MED23: variants seen among roughly 807,000 people sequenced by gnomAD.
MED23 encodes mediator complex subunit 23.
Under a neutral mutation model 163.9 loss-of-function variants are expected in MED23, and 105 were observed. The ratio of observed to expected loss-of-function variants is 0.64; its 90% CI spans 0.55 to 0.75. MED23 has a LOEUF of 0.75. Among genes scored for constraint, MED23 ranks in the 30% least tolerant of loss-of-function variants. The pLI, the probability that MED23 is intolerant of heterozygous loss-of-function variation, is 0.00. For missense variants in MED23, 1,054 were observed against 1,649.0 expected, an observed-to-expected ratio of 0.64 and a Z score of 6.25; for synonymous variants, 561 against 565.6, an observed-to-expected ratio of 0.99 and a Z score of 0.12.
At chr6:131,627,517 G>A (rs780900237) in intron 2 of MED23, 34 bp from the exon 3 acceptor site, 4 of 1,598,326 alleles carry the variant, frequency 2.5e-6, no homozygotes, top group South Asian at 2.2e-5. Flanking sequence ...TTTGTCATTC[G>A]TTTTAAAAAG....
intron 23 of MED23, 44 bp from the exon 24 acceptor site, chr6:131,593,215 T>C: frequency 1.2e-6 from 2 of 1,611,748 alleles, no homozygotes; most frequent in East Asian, 2.2e-5. Context: ...TCTCATCTGA[T>C]TGTCAATTTA....
At chr6:131,605,175 T>C in intron 14 of MED23, 65 bp downstream of exon 14, 1 of 1,543,486 alleles carries the variant, frequency 6.5e-7, no homozygotes, top group Non-Finnish European at 8.9e-7. Flanking sequence ...AATCATGAAA[T>C]AAAGGTTTAT....
Position 131,602,356 on chromosome 6 carries a change from T to G in MED23, c.1957A>C (p.Ile653Leu), listed in dbSNP as rs148273952. Residue 653 changes from isoleucine (I) to leucine (L), a missense_variant, in exon 17 of 29, where the codon ATA becomes CTA. By Grantham distance (5) the Ile-to-Leu change is conservative. Transcript: ENST00000368068. ...LCVESTALRL[I>L]TALGSSEVQP... ...ACCTCTGAGCTACCTAATGCTGTTA[T>G]AAGCCTGAGAGCAGTGCTCTCGACA... 2.5e-6 allele frequency: 4 copies of G among 1,613,700 alleles called. No homozygotes were observed. The African/African-American group carries it at 5.3e-5, about 22-fold the overall frequency.
chr6:131,582,977 C>A, downstream of MED23: 1 of 958,926 alleles, frequency 1.0e-6, no homozygotes, highest in Non-Finnish European at 1.6e-6. Flanking sequence ...ATATATTTTA[C>A]TATATTTATA....
At chr6:131,591,655 G>C in intron 25 of MED23, 128 bp from the exon 26 acceptor site, 1 of 756,568 alleles carries the variant, frequency 1.3e-6, no homozygotes, top group Non-Finnish European at 2.2e-6. Context: ...AATACAGCTG[G>C]GTGGCTTTGT....
chr6:131,609,969 C>T (rs1158149862), intron 11 of MED23, 77 bp downstream of exon 11: 25 of 1,363,492 alleles, frequency 1.8e-5, no homozygotes, highest in Non-Finnish European at 2.4e-5. Context: ...TCTAAAATCA[C>T]TAGGGAATGC....
At chr6:131,609,585 T>C (rs1776117958) in intron 11 of MED23, among the ~76,000 whole-genome samples, 2 of 145,182 alleles carry the variant, frequency 1.4e-5, no homozygotes, top group Admixed American at 1.4e-4. Context: ...TGATTTTGGC[T>C]CACTGCAACC....
chr6:131,596,057 C>CAGTACTGG lies in MED23; in HGVS notation c.2884_2885insCCAGTACT (p.Arg962ProfsTer11), dbSNP rs1363747784. ...TACTATATCAAATACTGGAAGGAATCGAAGACACACATTCCCAAAATAGAT... is the reference window on the plus strand; with the variant it reads ...TACTATATCAAATACTGGAAGGAATCAGTACTGGGAAGACACACATTCCCAAAATAGAT... On this transcript the variant is annotated frameshift_variant, in exon 22 of 29. Transcript: ENST00000368068. LOFTEE classifies it high-confidence loss of function. 3 of 1,613,724 alleles carry CAGTACTGG rather than the reference C, an allele frequency of 1.9e-6. No homozygotes were observed. In the African/African-American group the frequency reaches 4.0e-5, roughly 22 times the overall value.
chr6:131,583,643 T>C, downstream of MED23: 1 of 1,522,568 alleles, frequency 6.6e-7, no homozygotes, highest in Non-Finnish European at 9.0e-7. Context: ...CATCGGTTAC[T>C]ACCTTTTTCT....
intron 6 of MED23, among the ~76,000 whole-genome samples, chr6:131,621,405 T>C (rs935058694): frequency 6.6e-6 from 1 of 152,020 alleles, no homozygotes; most frequent in Non-Finnish European, 1.5e-5. Flanking sequence ...AGAGATATTA[T>C]TTAATGGATT....
chr6:131,605,201 A>G (rs1039747741), intron 14 of MED23, 39 bp downstream of exon 14: 2 of 1,604,144 alleles, frequency 1.2e-6, no homozygotes, highest in Admixed American at 3.3e-5. Flanking sequence ...ACTCGTATCA[A>G]TTCCCTGACA....
chr6:131,594,431 CAGA>C (rs1292260012), intron 22 of MED23, 96 bp from the exon 23 acceptor site: 1 of 950,870 alleles, frequency 1.1e-6, no homozygotes, highest in East Asian at 2.4e-5. Flanking sequence ...AAAAACAGCT[CAGA>C]AGATTTATGA....
Position 131,610,263 on chromosome 6 carries a change from A to G in MED23, c.877-17T>C, listed in dbSNP as rs763196392. On this transcript the variant is annotated splice_polypyrimidine_tract_variant and intron_variant, in intron 10 of 28. Coordinates refer to ENST00000368068, the MANE Select transcript of MED23 (RefSeq NM_004830.4). ...CTGCTTGTGCTGTAGGGCAGAGATT[A>G]AATACAGTATTCCAAAAGCCTCTCG... 21 of 1,612,444 alleles carry G rather than the reference A, an allele frequency of 1.3e-5. No individual in the cohort carries two copies. The highest frequency in any genetic ancestry group is 1.8e-5 in the Non-Finnish European group (21 of 1,178,966).
intron 15 of MED23, among the ~76,000 whole-genome samples, chr6:131,603,970 C>A (rs1404475029): frequency 6.6e-6 from 1 of 152,166 alleles, no homozygotes; most frequent in Non-Finnish European, 1.5e-5. Context: ...AACCCCCCAA[C>A]CCTCACACTT....
Position 131,592,768 on chromosome 6 carries a change from A to G in MED23, c.3398+238T>C, listed in dbSNP as rs1433392765. On this transcript the variant is annotated intron_variant, in intron 24 of 28. Coordinates refer to ENST00000368068, the MANE Select transcript of MED23 (RefSeq NM_004830.4). ...AGTGACAAGTTAACATTATTCCTAT[A>G]TTAAATGTCAAACTGCTATTAATGA... 4 of 605,590 alleles carry G rather than the reference A, an allele frequency of 6.6e-6. No individual in the cohort carries two copies. The East Asian group carries it at 1.1e-4, about 17-fold the overall frequency. 37.5% of individuals were successfully genotyped at this position (605,590 alleles called of 1,614,324 possible).
intron 30 of MED23, among the ~76,000 whole-genome samples, chr6:131,574,854 C>G (rs1166506473): frequency 6.6e-6 from 1 of 152,094 alleles, no homozygotes; most frequent in Admixed American, 6.6e-5. Flanking sequence ...TAAAAAAAAG[C>G]CCAGAGAGGT....
intron 3 of MED23, chr6:131,627,193 A>G (rs924953259): frequency 1.7e-6 from 1 of 595,874 alleles, no homozygotes; most frequent in Non-Finnish European, 2.9e-6. Flanking sequence ...TGCAGTATCA[A>G]CTTGACTTCT....
downstream of MED23, chr6:131,582,599 A>G: frequency 6.3e-7 from 1 of 1,586,768 alleles, no homozygotes; most frequent in Non-Finnish European, 8.7e-7. Context: ...TACATAACCA[A>G]GTGAAAACAT....
intron 3 of MED23, among the ~76,000 whole-genome samples, chr6:131,626,435 AG>A (rs968200270): frequency 2.0e-5 from 3 of 152,154 alleles, no homozygotes; most frequent in Non-Finnish European, 2.9e-5. Context: ...TAAGAAAGGA[AG>A]GAACAAGTAA....
Sources: gnomAD v4.1 joint callset for allele counts (sites outside exome capture counted in the v4.1 genomes callset) on GRCh38, gnomAD v4.1.1 for gene constraint, MANE v1.5 for transcripts, NCBI Gene and HGNC (gene_info 2026-07-23, HGNC 2026-07-21) for gene names.